Variants in VSNL1 observed in about 807,000 individuals in gnomAD.
VSNL1 encodes the protein visinin-like protein 1.
Under a neutral mutation model 20.4 loss-of-function variants are expected in VSNL1, and 6 were observed. The observed-to-expected ratio is 0.29, with a 90% CI of 0.16 to 0.58. The LOEUF is 0.58. VSNL1 is among the 20% of genes least tolerant of loss of function. The pLI, the probability that VSNL1 is intolerant of heterozygous loss-of-function variation, is 0.90. For missense variants in VSNL1, 100 were observed against 234.5 expected, an observed-to-expected ratio of 0.43 and a Z score of 3.75; for synonymous variants, 93 against 86.4, an observed-to-expected ratio of 1.08 and a Z score of -0.42.
At chr2:17,543,616 C>T (rs1353367168) in intron 1 of VSNL1, among the ~76,000 whole-genome samples, 1 of 152,208 alleles carries the variant, frequency 6.6e-6, no homozygotes, top group Non-Finnish European at 1.5e-5. Flanking sequence ...GACAGAAAGA[C>T]CGAAGAAGGC....
At position 17,646,010 on chromosome 2, in the gene VSNL1, T is replaced by C. The variant is rs562521605; in HGVS notation, c.163-3400T>C. On this transcript the variant is annotated intron_variant, in intron 2 of 3. Transcript: ENST00000295156. Reference sequence around the variant, plus strand: ...CTGACAATATCATGTCCATTACTTTTGTTTGCAGCTCCATACACTTGTAAT... The same window carrying C: ...CTGACAATATCATGTCCATTACTTTCGTTTGCAGCTCCATACACTTGTAAT... 1.4e-4 allele frequency among the ~76,000 whole-genome samples: 22 copies of C among 152,348 alleles called. No individual in the cohort carries two copies. The South Asian group carries it at 4.6e-3, about 32-fold the overall frequency.
chr2:17,566,918 T>C (rs1385428214), intron 1 of VSNL1, among the ~76,000 whole-genome samples: 1 of 152,216 alleles, frequency 6.6e-6, no homozygotes, highest in Admixed American at 6.5e-5. Flanking sequence ...CACTATCACA[T>C]GTAAAGTCCC....
At chr2:17,637,637 T>C (rs1316825449) in intron 2 of VSNL1, among the ~76,000 whole-genome samples, 2 of 152,212 alleles carry the variant, frequency 1.3e-5, no homozygotes, top group Admixed American at 6.5e-5. Context: ...TCTTGCTTTC[T>C]GAGGACCCAT....
Position 17,655,271 on chromosome 2 carries a change from A to G in VSNL1, c.453A>G (p.Val151=), listed in dbSNP as rs752613875. 3 of 1,614,208 alleles carry G rather than the reference A, an allele frequency of 1.9e-6. No homozygotes were observed. The highest frequency in any genetic ancestry group is 1.6e-4 in the Middle Eastern group (1 of 6,062). ...ATGGCCTGACGCCTGAGCAGCGAGTAGACAAGATTTTCAGCAAGATGGATA... is the reference window on the plus strand; with the variant it reads ...ATGGCCTGACGCCTGAGCAGCGAGTGGACAAGATTTTCAGCAAGATGGATA... The part of the protein sequence containing the change: ...NEDGLTPEQR[V]DKIFSKMDKN... Residue 151 remains valine (V), a synonymous_variant, in exon 4 of 4, where the codon GTA becomes GTG. Transcript: ENST00000295156. The surrounding 1 kb of genome is among the most constrained non-coding windows in gnomAD (Gnocchi z 5.2).
chr2:17,549,178 T>C (rs1663469090), intron 1 of VSNL1, among the ~76,000 whole-genome samples: 1 of 152,238 alleles, frequency 6.6e-6, no homozygotes. Flanking sequence ...ATCACATAAA[T>C]GGTTCTCAAA....
chr2:17,601,493 AGGTATCATGGT>A (rs1402611424), intron 2 of VSNL1, among the ~76,000 whole-genome samples: 1 of 151,598 alleles, frequency 6.6e-6, no homozygotes, highest in Non-Finnish European at 1.5e-5. Context: ...AAAATCAGCC[AGGTATCATGGT>A]GCATGTCTGT....
At chr2:17,578,511 C>T (rs1419064573) in intron 1 of VSNL1, among the ~76,000 whole-genome samples, 1 of 152,206 alleles carries the variant, frequency 6.6e-6, no homozygotes, top group East Asian at 1.9e-4. Flanking sequence ...AGTATCACTT[C>T]ACATAACTAC....
intron 1 of VSNL1, among the ~76,000 whole-genome samples, chr2:17,591,516 T>C (rs990928593): frequency 3.3e-5 from 5 of 152,148 alleles, no homozygotes; most frequent in African/African-American, 9.7e-5. Context: ...AGAGAATTAG[T>C]GTGACTAATA....
At chr2:17,540,288 A>C (rs1353258539), upstream of VSNL1, 1 of 152,392 alleles carries the variant, frequency 6.6e-6, no homozygotes, top group Non-Finnish European at 1.5e-5. Context: ...CGGCTAGGAC[A>C]GAAAGCAGCG....
intron 2 of VSNL1, among the ~76,000 whole-genome samples, chr2:17,605,992 T>G (rs1451364440): frequency 1.3e-5 from 2 of 152,252 alleles, no homozygotes; most frequent in African/African-American, 2.4e-5. Flanking sequence ...TTAACTCATT[T>G]CATCCTCATA....
At chr2:17,582,779 C>G (rs530204600) in intron 1 of VSNL1, among the ~76,000 whole-genome samples, 2 of 151,652 alleles carry the variant, frequency 1.3e-5, no homozygotes, top group Non-Finnish European at 1.5e-5. Flanking sequence ...GTGGAAATGT[C>G]TAGCAGGCAG....
chr2:17,597,652 C>T (rs775542488), intron 2 of VSNL1, among the ~76,000 whole-genome samples: 4 of 152,162 alleles, frequency 2.6e-5, no homozygotes, highest in African/African-American at 4.8e-5. Flanking sequence ...GTGGTCATTT[C>T]CTGAGGAGTT....
chr2:17,639,597 T>C (rs1287878679), intron 2 of VSNL1, among the ~76,000 whole-genome samples: 1 of 152,252 alleles, frequency 6.6e-6, no homozygotes, highest in Non-Finnish European at 1.5e-5. Context: ...ATATGTACTC[T>C]TTAAATGTTC....
chr2:17,648,854 C>G (rs1399330200), intron 2 of VSNL1, among the ~76,000 whole-genome samples: 1 of 152,218 alleles, frequency 6.6e-6, no homozygotes, highest in East Asian at 1.9e-4. Flanking sequence ...TTTTAAATGT[C>G]TGTTCTGCAA....
At chr2:17,594,122 C>T (rs76124593) in intron 2 of VSNL1, among the ~76,000 whole-genome samples, 5,676 of 152,254 alleles carry the variant, frequency 0.037, 377 homozygotes, top group African/African-American at 0.13. Context: ...ACTGAAAAAG[C>T]ACCAGCCTCA....
At chr2:17,582,713 G>A (rs1451809360) in intron 1 of VSNL1, among the ~76,000 whole-genome samples, 3 of 151,850 alleles carry the variant, frequency 2.0e-5, no homozygotes, top group Non-Finnish European at 2.9e-5. Context: ...GGAAAAAGGA[G>A]GACAAATTCA....
chr2:17,615,164 C>T (rs956855879), intron 2 of VSNL1, among the ~76,000 whole-genome samples: 1 of 152,138 alleles, frequency 6.6e-6, no homozygotes, highest in African/African-American at 2.4e-5. Flanking sequence ...GAAAGATGTG[C>T]AGAATAATCT....
At chr2:17,565,857 G>A (rs112676859) in intron 1 of VSNL1, among the ~76,000 whole-genome samples, 17 of 152,300 alleles carry the variant, frequency 1.1e-4, no homozygotes, top group African/African-American at 4.1e-4. Context: ...AGCAGTTCCT[G>A]CATGCTGTTC....
chr2:17,579,904 G>A (rs1664311465), intron 1 of VSNL1, among the ~76,000 whole-genome samples: 1 of 152,158 alleles, frequency 6.6e-6, no homozygotes, highest in East Asian at 1.9e-4. Flanking sequence ...TTAGCTCTGG[G>A]TGATGAATAT....
Sources: allele counts gnomAD v4.1 joint callset (sites outside exome capture counted in the v4.1 genomes callset), GRCh38; gene constraint gnomAD v4.1.1; non-coding constraint Gnocchi (gnomAD v3.1); transcripts MANE v1.5; gene names NCBI Gene and HGNC (gene_info 2026-07-23, HGNC 2026-07-21).